Variants in TMEM131 observed in about 807,000 individuals in gnomAD.
TMEM131 encodes the protein transmembrane protein 131.
A neutral mutation model predicts 211.6 loss-of-function variants in TMEM131; 66 were observed. That is an observed-to-expected ratio of 0.31 (90% CI 0.26 to 0.38). The LOEUF (loss-of-function observed/expected upper bound fraction) is 0.38. Among genes scored for constraint, TMEM131 ranks in the 10% least tolerant of loss-of-function variants. The pLI is 1.00. For missense variants in TMEM131, 2,036 were observed against 2,299.3 expected (o/e 0.89, Z 2.34); for synonymous variants, 844 against 841.3 (o/e 1.00, Z -0.06).
rs533580880 is a variant in TMEM131, at chr2:97,852,450, G to A, written c.483+6854C>T. Among the ~76,000 whole-genome samples, 4 of 152,280 alleles carry A rather than the reference G, an allele frequency of 2.6e-5. No individual in the cohort carries two copies. The East Asian group carries it at 7.7e-4, about 29-fold the overall frequency. ...TGGGACTACAGGCGTGAGCCACCAC[G>A]CCTGGCCTTGCCATACCATTCTCTT... On this transcript the variant is annotated intron_variant, in intron 5 of 40. Transcript: ENST00000186436.
At chr2:97,812,032 C>G (rs187157378) in intron 17 of TMEM131, among the ~76,000 whole-genome samples, 1 of 152,170 alleles carries the variant, frequency 6.6e-6, no homozygotes, top group Non-Finnish European at 1.5e-5. Context: ...AGTATCTGGA[C>G]AGACGTATTA....
intron 2 of TMEM131, among the ~76,000 whole-genome samples, chr2:97,923,596 T>C (rs985557191): frequency 8.0e-6 from 1 of 125,752 alleles, no homozygotes; most frequent in African/African-American, 3.2e-5. Flanking sequence ...GCCTCCAGCA[T>C]GGGTAACAGA....
Position 97,866,072 on chromosome 2 carries a change from C to T in TMEM131, c.360-6645G>A, listed in dbSNP as rs192571665. ...TAATTTTTGTTGTATCTTTAGTAGACGTGGGGTTTCACCGTTAGCCAGGAT... is the reference window on the plus strand; with the variant it reads ...TAATTTTTGTTGTATCTTTAGTAGATGTGGGGTTTCACCGTTAGCCAGGAT... On this transcript the variant is annotated intron_variant, in intron 4 of 40. Coordinates refer to ENST00000186436, the MANE Select transcript of TMEM131 (RefSeq NM_015348.2). Among the ~76,000 whole-genome samples, 27 of 152,202 alleles carry T rather than the reference C, an allele frequency of 1.8e-4. No homozygotes were observed. The South Asian group carries it at 2.5e-3, about 14-fold the overall frequency.
In TMEM131 at chr2:97,995,828, G is replaced by C. The variant is rs1377472182; in HGVS notation, c.-166C>G. 9.3e-6 allele frequency: 3 copies of C among 321,086 alleles called. No individual in the cohort carries two copies. Among genetic ancestry groups the C allele is most frequent in the African/African-American group, 6.6e-5 (3 of 45,304 alleles). 19.9% of individuals were successfully genotyped at this position (321,086 alleles called of 1,614,324 possible). On this transcript the variant is annotated 5_prime_UTR_variant, in exon 1 of 41. Coordinates refer to ENST00000186436, the MANE Select transcript of TMEM131 (RefSeq NM_015348.2). The stretch of plus-strand genomic sequence containing the variant: ...AGCGTGGGCCTGGGTCCGTGCGTGC[G>C]TGTGAGCGAGAGTGTCAGTCACGGT...
At chr2:97,913,359 C>T (rs1357602553) in intron 2 of TMEM131, among the ~76,000 whole-genome samples, 6 of 152,144 alleles carry the variant, frequency 3.9e-5, no homozygotes, top group Non-Finnish European at 5.9e-5. Context: ...ATTCAAAGTG[C>T]GTTACTGTCT....
chr2:97,931,054 T>A (rs1223111600), intron 1 of TMEM131, among the ~76,000 whole-genome samples: 2 of 151,858 alleles, frequency 1.3e-5, no homozygotes, highest in Non-Finnish European at 2.9e-5. Flanking sequence ...TCTAAACCCA[T>A]CCCTATTTAT....
At chr2:97,781,883 G>A (rs1035440982) in intron 31 of TMEM131, among the ~76,000 whole-genome samples, 2 of 152,202 alleles carry the variant, frequency 1.3e-5, no homozygotes, top group African/African-American at 4.8e-5. Flanking sequence ...CAGGAAAGGG[G>A]CAGCCCAGCA....
At chr2:97,846,890 G>A (rs925344026) in intron 5 of TMEM131, among the ~76,000 whole-genome samples, 4 of 152,112 alleles carry the variant, frequency 2.6e-5, no homozygotes, top group Non-Finnish European at 5.9e-5. Flanking sequence ...TGTATTGGAC[G>A]TGCAAAGAGG....
At chr2:97,982,438 C>A (rs967798098) in intron 1 of TMEM131, among the ~76,000 whole-genome samples, 1 of 151,928 alleles carries the variant, frequency 6.6e-6, no homozygotes, top group African/African-American at 2.4e-5. Flanking sequence ...ACATGATTTG[C>A]GAAAATTTTT....
intron 2 of TMEM131, among the ~76,000 whole-genome samples, chr2:97,913,792 G>C (rs1459700410): frequency 6.6e-6 from 1 of 152,182 alleles, no homozygotes; most frequent in Non-Finnish European, 1.5e-5. Flanking sequence ...TAAGCTTCTT[G>C]ATGGTACAGG....
At chr2:97,839,061 T>C (rs1006289123) in intron 7 of TMEM131, among the ~76,000 whole-genome samples, 2 of 152,164 alleles carry the variant, frequency 1.3e-5, no homozygotes, top group Non-Finnish European at 2.9e-5. Flanking sequence ...CAGTGGCTCA[T>C]GCCTGTAATC....
At chr2:97,796,170 G>A in intron 28 of TMEM131, 48 bp downstream of exon 28, 1 of 1,139,582 alleles carries the variant, frequency 8.8e-7, no homozygotes, top group Non-Finnish European at 1.2e-6. Flanking sequence ...TTTGCACAGA[G>A]TTTGAGGAAA....
chr2:97,980,011 T>C (rs952208998), intron 1 of TMEM131, among the ~76,000 whole-genome samples: 10 of 152,134 alleles, frequency 6.6e-5, no homozygotes, highest in Admixed American at 5.9e-4. Context: ...TATTGTTGTC[T>C]CAGAGAAAAC....
rs766145155 is a variant in TMEM131 at position 97,792,607 on chromosome 2, G to A, written c.3923C>T (p.Pro1308Leu). 8 of 1,612,812 alleles carry A rather than the reference G, an allele frequency of 5.0e-6. No homozygotes were observed. The highest frequency in any genetic ancestry group is 2.2e-5 in the East Asian group (1 of 44,880). The change falls in exon 31 of 41, where the codon CCG (proline) becomes CTG (leucine). Residue 1308 changes from proline (P) to leucine (L), a missense_variant. By Grantham distance (98) the Pro-to-Leu change is moderately conservative (BLOSUM62 -3). Coordinates refer to ENST00000186436, the MANE Select transcript of TMEM131 (RefSeq NM_015348.2). The part of the protein sequence containing the change: ...LEQHPQPPLP[P>L]PVPQPQEPQP... Reference sequence around the variant, plus strand: ...CGGCTCCTGGGGCTGAGGCACTGGCGGTGGCAGAGGAGGCTGAGGGTGCTG... The same window carrying A: ...CGGCTCCTGGGGCTGAGGCACTGGCAGTGGCAGAGGAGGCTGAGGGTGCTG...
intron 1 of TMEM131, among the ~76,000 whole-genome samples, chr2:97,970,306 TG>T (rs201527773): frequency 0.012 from 1,818 of 152,186 alleles, 40 homozygotes; most frequent in African/African-American, 0.041. Context: ...AAGAGACAAA[TG>T]CTCCATGCCT....
rs778363986 is a variant in TMEM131 at position 97,792,495 on chromosome 2, C to G, written c.4035G>C (p.Ser1345=). The G allele has an allele frequency of 2.5e-6, 4 of 1,613,536 alleles. No individual in the cohort carries two copies. The highest frequency in any genetic ancestry group is 3.4e-6 in the Non-Finnish European group (4 of 1,179,714). Reference sequence around the variant, plus strand: ...TGGCTTCTATGAGACTGGTGATGTCCGAGTCCTCGGAACTGTGCCTCGCGC... The same window carrying G: ...TGGCTTCTATGAGACTGGTGATGTCGGAGTCCTCGGAACTGTGCCTCGCGC... ...ASSARHSSED[S]DITSLIEAMD... Residue 1345 remains serine (S), a synonymous_variant, in exon 31 of 41, where the codon TCG becomes TCC. Transcript: ENST00000186436.
chr2:97,940,583 C>A (rs550899303), intron 1 of TMEM131, among the ~76,000 whole-genome samples: 2 of 151,990 alleles, frequency 1.3e-5, no homozygotes, highest in Non-Finnish European at 2.9e-5. Flanking sequence ...CCAAGACGGG[C>A]GGATCACGAG....
chr2:97,990,806 T>C (rs1161200342), intron 1 of TMEM131, among the ~76,000 whole-genome samples: 2 of 152,236 alleles, frequency 1.3e-5, no homozygotes, highest in Admixed American at 1.3e-4. Flanking sequence ...TTTTTTCATA[T>C]GCTTTGTAAA....
intron 31 of TMEM131, among the ~76,000 whole-genome samples, chr2:97,776,812 C>T (rs1679758231): frequency 6.6e-6 from 1 of 152,176 alleles, no homozygotes; most frequent in South Asian, 2.1e-4. Flanking sequence ...GGGTGCAAAC[C>T]CTGGCAGCTT....
Sources: allele counts gnomAD v4.1 joint callset (sites outside exome capture counted in the v4.1 genomes callset), GRCh38; gene constraint gnomAD v4.1.1; transcripts MANE v1.5; gene names NCBI Gene and HGNC (gene_info 2026-07-23, HGNC 2026-07-21).